Variants in NTM observed in about 807,000 individuals in gnomAD.
The protein encoded by NTM is neurotrimin.
NTM carries 13 observed loss-of-function variants against 42.1 expected under a neutral mutation model. That is an observed-to-expected ratio of 0.31 (90% CI 0.20 to 0.49). The LOEUF is 0.49. NTM is among the 20% of genes least tolerant of loss of function. The probability of loss-of-function intolerance (pLI) is 0.99; values close to 1 mark genes in which losing one functional copy is unlikely to be tolerated. For missense variants in NTM, 373 were observed against 452.8 expected, an observed-to-expected ratio of 0.82 and a Z score of 1.60; for synonymous variants, 187 against 179.2, an observed-to-expected ratio of 1.04 and a Z score of -0.35.
chr11:131,688,337 G>T (rs113619001), intron 1 of NTM, among the ~76,000 whole-genome samples: 180 of 152,334 alleles, frequency 1.2e-3, no homozygotes, highest in African/African-American at 4.1e-3. Context: ...TTCAAAGCAG[G>T]GTTGGAAGGA....
In NTM at chr11:131,722,420, C is replaced by T. The variant is rs1284098548; in HGVS notation, c.83-189144C>T. Among the ~76,000 whole-genome samples, 8 of 152,180 alleles carry T rather than the reference C, an allele frequency of 5.3e-5. No individual in the cohort carries two copies. In the East Asian group the frequency reaches 1.3e-3, roughly 26 times the overall value. On this transcript the variant is annotated intron_variant, in intron 1 of 8. Transcript: ENST00000683400. ...TGGTGAGACTGCTTTCATATGAACT[C>T]GTAACCATAGAACCAGTTTGTCAGG...
chr11:131,407,589 G>A (rs1004128830), intron 1 of NTM, among the ~76,000 whole-genome samples: 2 of 152,186 alleles, frequency 1.3e-5, no homozygotes, highest in African/African-American at 4.8e-5. Context: ...GCTGAAAGTG[G>A]GGACAAAAGG....
At chr11:131,635,775 C>T (rs2064289963) in intron 1 of NTM, among the ~76,000 whole-genome samples, 1 of 152,166 alleles carries the variant, frequency 6.6e-6, no homozygotes, top group Middle Eastern at 3.2e-3. Flanking sequence ...CCTCTTCTCA[C>T]TGACTCACCC....
At chr11:132,135,645 C>A (rs908943739) in intron 2 of NTM, among the ~76,000 whole-genome samples, 1 of 152,190 alleles carries the variant, frequency 6.6e-6, no homozygotes, top group Non-Finnish European at 1.5e-5. Context: ...GGGACGCAAA[C>A]CCTAGGCACT....
At chr11:131,703,583 T>C (rs76470751) in intron 1 of NTM, among the ~76,000 whole-genome samples, 2,889 of 152,278 alleles carry the variant, frequency 0.019, 42 homozygotes, top group Middle Eastern at 0.051. Flanking sequence ...AGCTCTTGTC[T>C]CCTCACAGAA....
chr11:131,623,021 T>C (rs2062737021), intron 1 of NTM, among the ~76,000 whole-genome samples: 1 of 152,190 alleles, frequency 6.6e-6, no homozygotes, highest in Admixed American at 6.5e-5. Flanking sequence ...AAACAACTTA[T>C]CTCAAACGAT....
chr11:132,149,666 A>T lies in NTM; in HGVS notation c.400+3152A>T, dbSNP rs530116038. The stretch of plus-strand genomic sequence containing the variant: ...CCTGTGGTTCTGATCCAATATGGTT[A>T]TTTCTTGCAGACAGCCGTGAGGCCA... On this transcript the variant is annotated intron_variant, in intron 3 of 8. Coordinates refer to ENST00000683400, the MANE Select transcript of NTM (RefSeq NM_001352005.2). 2.6e-5 allele frequency among the ~76,000 whole-genome samples: 4 copies of T among 152,148 alleles called. No individual in the cohort carries two copies. In the East Asian group the frequency reaches 7.8e-4, roughly 30 times the overall value.
intron 2 of NTM, among the ~76,000 whole-genome samples, chr11:132,137,534 T>A (rs2137180913): frequency 6.6e-6 from 1 of 152,294 alleles, no homozygotes; most frequent in South Asian, 2.1e-4. Flanking sequence ...TAGTCAGGGA[T>A]CCTACAGGGA....
At chr11:131,796,867 G>A (rs1363885347) in intron 1 of NTM, among the ~76,000 whole-genome samples, 1 of 152,160 alleles carries the variant, frequency 6.6e-6, no homozygotes, top group African/African-American at 2.4e-5. Context: ...AGAGAGAGTG[G>A]CATTAACAAG....
intron 2 of NTM, among the ~76,000 whole-genome samples, chr11:131,958,061 C>T (rs926634077): frequency 3.3e-5 from 5 of 152,096 alleles, no homozygotes; most frequent in Non-Finnish European, 7.4e-5. Context: ...ATTTAAAGAG[C>T]GCCTAGATGC....
chr11:131,384,664 C>A (rs1387080292), intron 1 of NTM, among the ~76,000 whole-genome samples: 2 of 152,136 alleles, frequency 1.3e-5, no homozygotes, highest in East Asian at 1.9e-4. Context: ...TCAGGGAATA[C>A]AAACAGGTGG....
chr11:131,421,695 C>G (rs1305685938), intron 1 of NTM, among the ~76,000 whole-genome samples: 1 of 152,196 alleles, frequency 6.6e-6, no homozygotes, highest in African/African-American at 2.4e-5. Flanking sequence ...TTCCCATGCT[C>G]CACCTCAAAT....
chr11:132,244,114 G>A (rs1412532579), intron 4 of NTM, among the ~76,000 whole-genome samples: 11 of 152,184 alleles, frequency 7.2e-5, no homozygotes, highest in Non-Finnish European at 4.4e-5. Flanking sequence ...GCCATCCTGA[G>A]CTCGGGGCTT....
intron 2 of NTM, among the ~76,000 whole-genome samples, chr11:132,143,860 G>T (rs540842236): frequency 6.6e-6 from 1 of 152,298 alleles, no homozygotes; most frequent in Admixed American, 6.5e-5. Flanking sequence ...AGGAGCATAA[G>T]GGAAGGTACA....
intron 1 of NTM, among the ~76,000 whole-genome samples, chr11:131,829,177 TA>T (rs113314101): frequency 0.034 from 5,088 of 150,158 alleles, 240 homozygotes; most frequent in African/African-American, 0.11. Context: ...AAGAGTCACT[TA>T]AAAAAAAAAT....
At chr11:131,716,591 A>T (rs1246219193) in intron 1 of NTM, among the ~76,000 whole-genome samples, 1 of 151,864 alleles carries the variant, frequency 6.6e-6, no homozygotes, top group African/African-American at 2.4e-5. Flanking sequence ...TTTAATTTGC[A>T]TTTCCCTGAT....
At position 132,126,010 on chromosome 11, in the gene NTM, C is replaced by A. The variant is rs537886409; in HGVS notation, c.168-20272C>A. Reference sequence around the variant, plus strand: ...TGGCAGAGGAAGAAGCGCAGCCCAGCAAAGGTGGAGCCTCGCTTTCCATAA... The same window carrying A: ...TGGCAGAGGAAGAAGCGCAGCCCAGAAAAGGTGGAGCCTCGCTTTCCATAA... On this transcript the variant is annotated intron_variant, in intron 2 of 8. Coordinates refer to ENST00000683400, the MANE Select transcript of NTM (RefSeq NM_001352005.2). 3.4e-4 allele frequency among the ~76,000 whole-genome samples: 52 copies of A among 152,052 alleles called. No homozygotes were observed. In the East Asian group the frequency reaches 8.9e-3, roughly 26 times the overall value.
At chr11:131,934,733 C>T (rs934746449) in intron 2 of NTM, among the ~76,000 whole-genome samples, 1 of 152,072 alleles carries the variant, frequency 6.6e-6, no homozygotes, top group Non-Finnish European at 1.5e-5. Flanking sequence ...GCTGGCCCAG[C>T]AAGGATCTGA....
At chr11:131,868,285 T>C (rs2047428757) in intron 1 of NTM, among the ~76,000 whole-genome samples, 1 of 152,162 alleles carries the variant, frequency 6.6e-6, no homozygotes, top group Non-Finnish European at 1.5e-5. Flanking sequence ...CCCTTTTTTG[T>C]CCCAGTCTTT....
Sources: gnomAD v4.1 joint callset for allele counts (sites outside exome capture counted in the v4.1 genomes callset) on GRCh38, gnomAD v4.1.1 for gene constraint, MANE v1.5 for transcripts, NCBI Gene and HGNC (gene_info 2026-07-23, HGNC 2026-07-21) for gene names.